The following CELF2 variants were observed in gnomAD, a reference collection of about 807,000 sequenced individuals.
CELF2 encodes CUG triplet repeat RNA-binding protein 2.
CELF2 carries 8 observed loss-of-function variants against 62.6 expected under a neutral mutation model. That is an observed-to-expected ratio of 0.13 (90% CI 0.07 to 0.23). CELF2 has a LOEUF of 0.23. Ranked by LOEUF, CELF2 falls within the 10% of genes least tolerant of loss-of-function variation. The pLI is 1.00. For synonymous variants in CELF2, 258 were observed against 250.0 expected (o/e 1.03, Z -0.30); for missense variants, 333 against 671.0 (o/e 0.50, Z 5.56).
At chr10:11,204,335 A>C (rs2059933969) in intron 2 of CELF2, among the ~76,000 whole-genome samples, 1 of 152,210 alleles carries the variant, frequency 6.6e-6, no homozygotes, top group African/African-American at 2.4e-5. Context: ...AAGTAACTAT[A>C]CCAGAGTCAT....
the CELF2 span, among the ~76,000 whole-genome samples, chr10:10,510,941 A>G: frequency 6.6e-6 from 1 of 152,196 alleles, no homozygotes; most frequent in Non-Finnish European, 1.5e-5. Flanking sequence ...CAAAGGCCAG[A>G]GGCACTAAAG....
At chr10:10,606,461 T>G in the CELF2 span, among the ~76,000 whole-genome samples, 42,901 of 152,088 alleles carry the variant, frequency 0.28, 6,418 homozygotes, top group South Asian at 0.5. Flanking sequence ...AGTCGAGGAC[T>G]AGCTTTAAAT....
intron 5 of CELF2, among the ~76,000 whole-genome samples, chr10:11,262,940 CTTTTTTTTT>C (rs553831640): frequency 1.7e-4 from 9 of 52,766 alleles, no homozygotes; most frequent in African/African-American, 2.1e-4. Flanking sequence ...AGTGGCTTTA[CTTTTTTTTT>C]TTTTTTTTTT....
chr10:11,188,707 T>C (rs2075609672), intron 2 of CELF2, among the ~76,000 whole-genome samples: 1 of 152,236 alleles, frequency 6.6e-6, no homozygotes, highest in South Asian at 2.1e-4. Flanking sequence ...TTTCATCCCT[T>C]TCTTTTGTCA....
At chr10:10,476,412 A>G in the CELF2 span, among the ~76,000 whole-genome samples, 1 of 152,154 alleles carries the variant, frequency 6.6e-6, no homozygotes, top group Non-Finnish European at 1.5e-5. Context: ...GAGAATGGTA[A>G]CAGTATTATG....
the CELF2 span, among the ~76,000 whole-genome samples, chr10:10,671,722 C>T: frequency 1.1e-4 from 16 of 151,412 alleles, no homozygotes; most frequent in East Asian, 3.9e-4. Flanking sequence ...TATTTGCCAT[C>T]TGTATGTCTT....
the CELF2 span, among the ~76,000 whole-genome samples, chr10:10,766,457 TTCCGGGAAAGACACACTGCTGCC>T: frequency 2.0e-5 from 3 of 152,156 alleles, no homozygotes; most frequent in African/African-American, 7.2e-5. Context: ...AAGATGTGTG[TTCCGGGAAAGACACACTGCTGCC>T]TCCATCGGGA....
chr10:10,469,720 A>T, the CELF2 span, among the ~76,000 whole-genome samples: 2 of 151,424 alleles, frequency 1.3e-5, no homozygotes, highest in Non-Finnish European at 3.0e-5. Flanking sequence ...AGAATTGGTA[A>T]TTTTTTTTCT....
At chr10:11,086,444 A>G (rs1193505752) in intron 1 of CELF2, among the ~76,000 whole-genome samples, 2 of 152,068 alleles carry the variant, frequency 1.3e-5, no homozygotes, top group African/African-American at 2.4e-5. Context: ...TTAGACGCCA[A>G]CATTCCAACA....
intron 1 of CELF2, among the ~76,000 whole-genome samples, chr10:10,910,715 A>AAAAAG (rs1554878822): frequency 3.4e-5 from 5 of 149,152 alleles, no homozygotes; most frequent in Admixed American, 6.6e-5. Context: ...AAAAAAAAAA[A>AAAAAG]AAAAGAAAAG....
the CELF2 span, among the ~76,000 whole-genome samples, chr10:10,558,021 T>G: frequency 6.9e-6 from 1 of 144,460 alleles, no homozygotes; most frequent in African/African-American, 2.6e-5. Context: ...TTGAATACCC[T>G]TTATTTCCTT....
intron 1 of CELF2, among the ~76,000 whole-genome samples, chr10:11,132,490 G>T (rs1595881216): frequency 6.6e-6 from 1 of 152,244 alleles, no homozygotes; most frequent in South Asian, 2.1e-4. Flanking sequence ...TCATAATTCA[G>T]CAAATGTGGG....
rs533513255 is a variant in CELF2 at position 11,249,317 on chromosome 10, G to A, written c.403+116G>A. The A allele has an allele frequency of 2.5e-4, 195 of 780,834 alleles. No individual in the cohort carries two copies. In the African/African-American group the frequency reaches 2.9e-3, roughly 12 times the overall value. The allele number at this position is 780,834 out of a possible 1,614,324, so 48.4% of individuals were successfully genotyped here. ...CTTTTCTCTCTAGAGGACAGAGAGC[G>A]CTGCTCCTGGAATCTTCTCTGTGGC... On this transcript the variant is annotated intron_variant, in intron 4 of 12. Transcript: ENST00000633077.
chr10:10,542,957 A>G, the CELF2 span, among the ~76,000 whole-genome samples: 1 of 152,074 alleles, frequency 6.6e-6, no homozygotes, highest in African/African-American at 2.4e-5. Context: ...GTCAGTCTGT[A>G]TTTTCAGTCT....
chr10:10,894,223 G>T (rs1306065899), intron 1 of CELF2, among the ~76,000 whole-genome samples: 2 of 152,196 alleles, frequency 1.3e-5, no homozygotes, highest in African/African-American at 4.8e-5. Context: ...TATTTGAAGT[G>T]CAGAGAGGAG....
At chr10:11,049,845 G>A (rs1230290699) in intron 1 of CELF2, among the ~76,000 whole-genome samples, 2 of 152,206 alleles carry the variant, frequency 1.3e-5, no homozygotes, top group African/African-American at 4.8e-5. Context: ...GCTGGGAGGA[G>A]GAGAACACAG....
At chr10:11,203,619 C>G (rs1286702104) in intron 2 of CELF2, among the ~76,000 whole-genome samples, 1 of 152,188 alleles carries the variant, frequency 6.6e-6, no homozygotes, top group African/African-American at 2.4e-5. Context: ...ACTTCTTTAA[C>G]TGGAAGCAAG....
Position 11,108,763 on chromosome 10 carries a change from T to C in CELF2, c.75-56723T>C, listed in dbSNP as rs117913901. ...AATCTGATAGCTGTATCATTGTCAT[T>C]TTCATTTACGTTTCTCTGATTACTG... On this transcript the variant is annotated intron_variant, in intron 1 of 12. Coordinates refer to ENST00000633077, the MANE Select transcript of CELF2 (RefSeq NM_001326342.2). Among the ~76,000 whole-genome samples, 928 of 152,334 alleles carry C rather than the reference T, an allele frequency of 6.1e-3. 5 individuals carry two copies. Among genetic ancestry groups the C allele is most frequent in the Non-Finnish European group, 0.011 (727 of 68,034 alleles).
rs551444460 is a variant in CELF2 at position 11,288,299 on chromosome 10, C to G, written c.842-119C>G. The G allele has an allele frequency of 7.7e-6, 10 of 1,301,142 alleles. No individual in the cohort carries two copies. In the South Asian group the frequency reaches 8.7e-5, roughly 11 times the overall value. 80.6% of individuals were successfully genotyped at this position (1,301,142 alleles called of 1,614,324 possible). A position where few individuals can be genotyped will look rare whatever the true frequency, so the allele number is the denominator to read the frequency against. The stretch of plus-strand genomic sequence containing the variant: ...CCCAGCTCCCACCCAGGCAGGTGAC[C>G]TTGCACAGGGTCGTCTGCTCTCATC... On this transcript the variant is annotated intron_variant, in intron 8 of 12. Transcript: ENST00000633077.
Sources: gnomAD v4.1 joint callset for allele counts (sites outside exome capture counted in the v4.1 genomes callset) on GRCh38, gnomAD v4.1.1 for gene constraint, MANE v1.5 for transcripts, NCBI Gene and HGNC (gene_info 2026-07-23, HGNC 2026-07-21) for gene names.